Variants in RFX4 observed in about 807,000 individuals in gnomAD.
The protein encoded by RFX4 is regulatory factor X4, also known as transcription factor RFX4.
RFX4 carries 10 observed loss-of-function variants against 95.0 expected under a neutral mutation model. The ratio of observed to expected loss-of-function variants is 0.11; its 90% CI spans 0.06 to 0.18. The LOEUF (loss-of-function observed/expected upper bound fraction) is 0.18, where lower values mean the gene tolerates loss of function less well. Ranked by LOEUF, RFX4 falls within the 10% of genes least tolerant of loss-of-function variation. RFX4 has a pLI of 1.00. For synonymous variants in RFX4, 321 were observed against 340.7 expected, an observed-to-expected ratio of 0.94 and a Z score of 0.64; for missense variants, 640 against 922.0, an observed-to-expected ratio of 0.69 and a Z score of 3.96.
intron 17 of RFX4, among the ~76,000 whole-genome samples, chr12:106,757,884 A>G (rs1448288768): frequency 6.6e-6 from 1 of 152,274 alleles, no homozygotes; most frequent in Admixed American, 6.5e-5. Context: ...AGTCAGTCAC[A>G]GCTGAGATGG....
chr12:106,651,319 C>A (rs956394439), intron 3 of RFX4, among the ~76,000 whole-genome samples: 1 of 152,142 alleles, frequency 6.6e-6, no homozygotes, highest in African/African-American at 2.4e-5. Flanking sequence ...TGAGTTACAC[C>A]CTCTGAGCCT....
In RFX4 at chr12:106,591,979, T is replaced by TACGGG. The variant is rs767548487; in HGVS notation, c.43+8618_43+8619insGGGAC. On this transcript the variant is annotated intron_variant, in intron 1 of 17. Transcript: ENST00000392842. Reference sequence around the variant, plus strand: ...CTGTGTGACCCAGAGCAAATTATCTTACTTCTCTAAGCCTCAGTTTCCTTC... The same window carrying TACGGG: ...CTGTGTGACCCAGAGCAAATTATCTTACGGGACTTCTCTAAGCCTCAGTTTCCTTC... Among the ~76,000 whole-genome samples, 11 of 152,354 alleles carry TACGGG rather than the reference T, an allele frequency of 7.2e-5. No homozygotes were observed. The East Asian group carries it at 1.2e-3, about 16-fold the overall frequency.
chr12:106,667,879 G>A (rs1329311957), intron 4 of RFX4, among the ~76,000 whole-genome samples: 3 of 152,194 alleles, frequency 2.0e-5, no homozygotes, highest in Admixed American at 6.5e-5. Context: ...ATTTAAAGAT[G>A]AGGTAGTTGT....
chr12:106,613,036 T>C (rs1233414173), intron 2 of RFX4, among the ~76,000 whole-genome samples: 1 of 151,986 alleles, frequency 6.6e-6, no homozygotes, highest in African/African-American at 2.4e-5. Context: ...TCTTTCACCA[T>C]CGTTAGCTGT....
rs144241264 is a variant in RFX4, at chr12:106,661,809, G to A, written c.315+7458G>A. On this transcript the variant is annotated intron_variant, in intron 4 of 17. Coordinates refer to ENST00000392842, the MANE Select transcript of RFX4 (RefSeq NM_213594.3). Reference sequence around the variant, plus strand: ...TCCAGAATGTCATATAGCTGGAATCGTACAGTATGTAGCCTTTTCAGATTG... The same window carrying A: ...TCCAGAATGTCATATAGCTGGAATCATACAGTATGTAGCCTTTTCAGATTG... Among the ~76,000 whole-genome samples the A allele has an allele frequency of 1.2e-4, 19 of 152,214 alleles. No homozygotes were observed. In the South Asian group the frequency reaches 2.1e-3, roughly 17 times the overall value.
chr12:106,644,654 T>C (rs2055333442), intron 3 of RFX4, among the ~76,000 whole-genome samples: 1 of 152,210 alleles, frequency 6.6e-6, no homozygotes, highest in African/African-American at 2.4e-5. Context: ...TTTCTTCATG[T>C]CTGTATCAAG....
chr12:106,607,665 A>G (rs2039866593), intron 1 of RFX4, among the ~76,000 whole-genome samples: 1 of 152,200 alleles, frequency 6.6e-6, no homozygotes, highest in Non-Finnish European at 1.5e-5. Flanking sequence ...ACTATGCTCA[A>G]ATTGTTCCCA....
At chr12:106,637,824 G>T (rs948935740) in intron 2 of RFX4, among the ~76,000 whole-genome samples, 3 of 152,012 alleles carry the variant, frequency 2.0e-5, no homozygotes, top group Non-Finnish European at 4.4e-5. Context: ...AGCTAAATCT[G>T]GCCCGATACT....
At chr12:106,733,392 G>C (rs775670666) in intron 15 of RFX4, 3 of 258,778 alleles carry the variant, frequency 1.2e-5, no homozygotes. Context: ...CCAAAACCTG[G>C]GTATCTTCCT....
intron 2 of RFX4, among the ~76,000 whole-genome samples, chr12:106,624,265 C>A (rs2040244721): frequency 6.6e-6 from 1 of 152,324 alleles, no homozygotes; most frequent in African/African-American, 2.4e-5. Context: ...CAGGTCAAAT[C>A]TAGCCTTGGG....
intron 8 of RFX4, among the ~76,000 whole-genome samples, chr12:106,704,599 C>G (rs1188014444): frequency 2.6e-5 from 4 of 152,186 alleles, no homozygotes; most frequent in African/African-American, 9.7e-5. Flanking sequence ...CCCCCTAGCT[C>G]AGACCCATCC....
At chr12:106,694,178 A>G (rs1054498592) in intron 7 of RFX4, among the ~76,000 whole-genome samples, 2 of 152,216 alleles carry the variant, frequency 1.3e-5, no homozygotes, top group Non-Finnish European at 1.5e-5. Context: ...ACCTGACTTC[A>G]TTCACCACTA....
intron 2 of RFX4, among the ~76,000 whole-genome samples, chr12:106,637,471 C>T (rs559666378): frequency 1.2e-4 from 18 of 151,770 alleles, no homozygotes; most frequent in Admixed American, 2.6e-4. Context: ...TCATAGATAC[C>T]AATTCTTTTC....
At chr12:106,731,259 T>G (rs1179940999) in intron 13 of RFX4, among the ~76,000 whole-genome samples, 1 of 152,188 alleles carries the variant, frequency 6.6e-6, no homozygotes, top group Admixed American at 6.5e-5. Context: ...CATTCCACTG[T>G]GCATGGTAGC....
chr12:106,601,616 G>A (rs1441870421), intron 1 of RFX4, among the ~76,000 whole-genome samples: 1 of 152,212 alleles, frequency 6.6e-6, no homozygotes, highest in East Asian at 1.9e-4. Context: ...GGACCTCCCT[G>A]TTCTCATCCA....
intron 4 of RFX4, among the ~76,000 whole-genome samples, chr12:106,657,172 T>C (rs999332891): frequency 2.0e-5 from 3 of 152,188 alleles, no homozygotes; most frequent in Non-Finnish European, 4.4e-5. Context: ...CTGTGAAACT[T>C]TGAGATGAAA....
chr12:106,715,376 C>T (rs769731582), intron 10 of RFX4, 24 bp from the exon 11 acceptor site: 6 of 1,607,550 alleles, frequency 3.7e-6, no homozygotes, highest in South Asian at 2.2e-5. Flanking sequence ...CATGAGCTAA[C>T]GAGTTGATTG....
intron 16 of RFX4, among the ~76,000 whole-genome samples, chr12:106,750,092 G>C (rs1055584338): frequency 1.3e-5 from 2 of 152,158 alleles, no homozygotes; most frequent in African/African-American, 4.8e-5. Flanking sequence ...GGGGGTAAGG[G>C]AGGTATCTTC....
intron 2 of RFX4, among the ~76,000 whole-genome samples, chr12:106,632,431 C>T (rs1223675469): frequency 6.6e-6 from 1 of 152,198 alleles, no homozygotes; most frequent in Admixed American, 6.5e-5. Context: ...CAAGGCATGT[C>T]TCCCAGTGAA....
Sources: allele counts gnomAD v4.1 joint callset (sites outside exome capture counted in the v4.1 genomes callset), GRCh38; gene constraint gnomAD v4.1.1; transcripts MANE v1.5; gene names NCBI Gene and HGNC (gene_info 2026-07-23, HGNC 2026-07-21).